The following GRID2 variants were observed in gnomAD, a reference collection of about 807,000 sequenced individuals.
The protein encoded by GRID2 is glutamate receptor ionotropic, delta-2.
Under a neutral mutation model 114.8 loss-of-function variants are expected in GRID2, and 33 were observed. The observed-to-expected ratio is 0.29, with a 90% confidence interval of 0.22 to 0.38. The LOEUF is 0.38. Among genes scored for constraint, GRID2 ranks in the 10% least tolerant of loss-of-function variants. The pLI, the probability that GRID2 is intolerant of heterozygous loss-of-function variation, is 1.00. For synonymous variants in GRID2, 505 were observed against 449.9 expected, an observed-to-expected ratio of 1.12 and a Z score of -1.55; for missense variants, 1,184 against 1,257.7, an observed-to-expected ratio of 0.94 and a Z score of 0.89.
intron 2 of GRID2, among the ~76,000 whole-genome samples, chr4:92,921,086 C>A (rs978433361): frequency 6.6e-6 from 1 of 152,080 alleles, no homozygotes; most frequent in Non-Finnish European, 1.5e-5. Flanking sequence ...CTTTTAGCTT[C>A]ATTTCATTCA....
intron 4 of GRID2, among the ~76,000 whole-genome samples, chr4:93,204,601 T>C (rs1230793813): frequency 2.6e-5 from 4 of 152,200 alleles, no homozygotes; most frequent in Admixed American, 2.0e-4. Context: ...TTTGTCTTTC[T>C]TCTTCACTGA....
chr4:92,879,815 G>C (rs149581102), intron 2 of GRID2, among the ~76,000 whole-genome samples: 15 of 152,302 alleles, frequency 9.8e-5, no homozygotes, highest in Admixed American at 3.3e-4. Flanking sequence ...TGTTCTACCT[G>C]GATTAGTGGT....
At chr4:92,362,100 A>C (rs1579239722) in intron 1 of GRID2, among the ~76,000 whole-genome samples, 1 of 152,062 alleles carries the variant, frequency 6.6e-6, no homozygotes, top group East Asian at 1.9e-4. Context: ...GTTTATTGGC[A>C]TGAATGATGT....
chr4:93,024,943 A>G (rs1183911613), intron 2 of GRID2, among the ~76,000 whole-genome samples: 2 of 151,864 alleles, frequency 1.3e-5, no homozygotes, highest in African/African-American at 2.4e-5. Flanking sequence ...TCTGTGAAGC[A>G]GAGAAATGAT....
At chr4:92,971,007 C>CT (rs200656419) in intron 2 of GRID2, among the ~76,000 whole-genome samples, 2 of 151,138 alleles carry the variant, frequency 1.3e-5, no homozygotes, top group Admixed American at 6.6e-5. Context: ...ATTGTTAAAG[C>CT]TTTTTTTAAA....
chr4:93,367,394 C>G (rs1762447389), intron 8 of GRID2, among the ~76,000 whole-genome samples: 3 of 151,816 alleles, frequency 2.0e-5, no homozygotes, highest in Non-Finnish European at 4.4e-5. Context: ...CTATTGGACT[C>G]TTTAGAAATG....
chr4:93,635,422 A>C (rs1166088648), intron 14 of GRID2, among the ~76,000 whole-genome samples: 1 of 149,808 alleles, frequency 6.7e-6, no homozygotes, highest in Non-Finnish European at 1.5e-5. Context: ...ATTTATACAT[A>C]TATTTTTGCT....
chr4:93,130,611 C>T (rs17020211), intron 4 of GRID2, among the ~76,000 whole-genome samples: 8,157 of 152,228 alleles, frequency 0.054, 629 homozygotes, highest in African/African-American at 0.17. Context: ...TCTAGCTTTG[C>T]TTAATGGACG....
intron 1 of GRID2, among the ~76,000 whole-genome samples, chr4:92,572,017 A>C (rs1470552858): frequency 6.6e-6 from 1 of 152,188 alleles, no homozygotes; most frequent in African/African-American, 2.4e-5. Context: ...AGCAGAAAGC[A>C]AGAAATAACT....
At chr4:92,920,355 T>C (rs922765552) in intron 2 of GRID2, among the ~76,000 whole-genome samples, 1 of 152,246 alleles carries the variant, frequency 6.6e-6, no homozygotes, top group African/African-American at 2.4e-5. Context: ...ACATTTAAAA[T>C]TCATATTGTT....
intron 8 of GRID2, among the ~76,000 whole-genome samples, chr4:93,375,106 A>G (rs1344311919): frequency 6.6e-6 from 1 of 151,906 alleles, no homozygotes; most frequent in African/African-American, 2.4e-5. Flanking sequence ...CCGTAACCTA[A>G]TCCATCACTG....
At chr4:93,257,774 A>C (rs1316592980) in intron 8 of GRID2, among the ~76,000 whole-genome samples, 1 of 151,428 alleles carries the variant, frequency 6.6e-6, no homozygotes, top group Non-Finnish European at 1.5e-5. Flanking sequence ...ATGATGTGTG[A>C]GTGCCCTACT....
chr4:92,545,005 C>G (rs1726172208), intron 1 of GRID2, among the ~76,000 whole-genome samples: 1 of 151,710 alleles, frequency 6.6e-6, no homozygotes, highest in Non-Finnish European at 1.5e-5. Context: ...TTTCATATTT[C>G]TAAGCATTTG....
chr4:92,877,448 A>AGTCC (rs2149452976), intron 2 of GRID2, among the ~76,000 whole-genome samples: 1 of 152,340 alleles, frequency 6.6e-6, no homozygotes, highest in African/African-American at 2.4e-5. Flanking sequence ...AACTGTGCTG[A>AGTCC]GTCCGTGAAG....
Position 93,114,399 on chromosome 4 carries a change from T to C in GRID2, c.735+3446T>C, listed in dbSNP as rs117161433. ...CTTATAATAATGTATCCCTTCCATC[T>C]TGGTCCCCAAACACATAAAATCTAT... On this transcript the variant is annotated intron_variant, in intron 4 of 15. Transcript: ENST00000282020. Among the ~76,000 whole-genome samples the C allele has an allele frequency of 4.0e-4, 61 of 152,302 alleles. 1 individual carries two copies. The East Asian group carries it at 9.7e-3, about 24-fold the overall frequency.
chr4:92,439,411 C>T (rs1382859601), intron 1 of GRID2, among the ~76,000 whole-genome samples: 2 of 151,970 alleles, frequency 1.3e-5, no homozygotes, highest in African/African-American at 2.4e-5. Context: ...GACATTCCCG[C>T]CTTCTTATAT....
downstream of GRID2, among the ~76,000 whole-genome samples, chr4:93,779,208 C>CTTTT (rs5860347): frequency 6.9e-6 from 1 of 144,226 alleles, no homozygotes; most frequent in Non-Finnish European, 1.5e-5. Flanking sequence ...GTCTCTTTCC[C>CTTTT]TTTTTTTTTT....
intron 4 of GRID2, among the ~76,000 whole-genome samples, chr4:93,151,880 G>A (rs903956439): frequency 2.0e-4 from 30 of 151,986 alleles, no homozygotes; most frequent in African/African-American, 6.3e-4. Context: ...AAAATGTGTC[G>A]TTGAGTTCTG....
intron 2 of GRID2, among the ~76,000 whole-genome samples, chr4:92,976,456 A>G (rs1447574565): frequency 1.3e-5 from 2 of 152,144 alleles, no homozygotes; most frequent in African/African-American, 4.8e-5. Context: ...TGTGTGTTCT[A>G]TAACAATATT....
Sources: gnomAD v4.1 joint callset for allele counts (sites outside exome capture counted in the v4.1 genomes callset) on GRCh38, gnomAD v4.1.1 for gene constraint, MANE v1.5 for transcripts, NCBI Gene and HGNC (gene_info 2026-07-23, HGNC 2026-07-21) for gene names.